YY1: variants seen among roughly 807,000 people sequenced by gnomAD.
YY1 encodes the protein transcriptional repressor protein YY1.
Under a neutral mutation model 35.6 loss-of-function variants are expected in YY1, and 2 were observed. That is an observed-to-expected ratio of 0.06 (90% confidence interval 0.02 to 0.18). The LOEUF is 0.18. YY1 is among the 10% of genes least tolerant of loss of function. The pLI, the probability that YY1 is intolerant of heterozygous loss-of-function variation, is 1.00. For missense variants in YY1, 322 were observed against 573.4 expected, an observed-to-expected ratio of 0.56 and a Z score of 4.48; for synonymous variants, 268 against 238.9, an observed-to-expected ratio of 1.12 and a Z score of -1.12.
intron 1 of YY1, among the ~76,000 whole-genome samples, chr14:100,256,999 T>G (rs1891015115): frequency 6.6e-6 from 1 of 152,206 alleles, no homozygotes; most frequent in African/African-American, 2.4e-5. Flanking sequence ...TTTTTTTGGT[T>G]TCTGATTCTG....
chr14:100,239,849 A>G lies in YY1; in HGVS notation c.605A>G (p.Asn202Ser), dbSNP rs371252181. 2.7e-5 allele frequency: 41 copies of G among 1,511,526 alleles called. No individual in the cohort carries two copies. Among genetic ancestry groups the G allele is most frequent in the East Asian group, 2.3e-4 (9 of 38,762 alleles). 93.6% of individuals were successfully genotyped at this position (1,511,526 alleles called of 1,614,324 possible). A position where few individuals can be genotyped will look rare whatever the true frequency, so the allele number is the denominator to read the frequency against. Residue 202 changes from asparagine (N) to serine (S), a missense_variant, in exon 1 of 5, where the codon AAC (asparagine) becomes AGC (serine). Transcript: ENST00000262238. ...GGCGGCGGCGGCGCCGACCCGGGCA[A>G]CAAGAAGTGGGAGCAGAAGCAGGTG... Reference protein sequence around the residue: ...AAGGGGADPGNKKWEQKQVQI... With the variant: ...AAGGGGADPGSKKWEQKQVQI...
At chr14:100,243,476 C>G (rs893071974) in intron 1 of YY1, among the ~76,000 whole-genome samples, 1 of 152,104 alleles carries the variant, frequency 6.6e-6, no homozygotes, top group African/African-American at 2.4e-5. Flanking sequence ...CTAGTTACTT[C>G]TTAGACCCTC....
chr14:100,248,841 C>A (rs1890877657), intron 1 of YY1, among the ~76,000 whole-genome samples: 1 of 151,776 alleles, frequency 6.6e-6, no homozygotes, highest in South Asian at 2.1e-4. Context: ...GCGCCCACCA[C>A]CATACCTGGC....
rs761861541 is a variant in YY1 at position 100,239,217 on chromosome 14, CGCGGCCGTG to C, written c.-22_-14del. On this transcript the variant is annotated 5_prime_UTR_variant, in exon 1 of 5. Coordinates refer to ENST00000262238, the MANE Select transcript of YY1 (RefSeq NM_003403.5). ...CCCGCAGCCGAGGAGCCGAGGCCGC[CGCGGCCGTG>C]GCGGCGGAGCCCTCAGCCATGGCCT... is the stretch of plus-strand genomic sequence containing the variant. 4.1e-6 allele frequency: 6 copies of C among 1,463,880 alleles called. No homozygotes were observed. The highest frequency in any genetic ancestry group is 4.5e-6 in the Non-Finnish European group (5 of 1,113,098). 90.7% of individuals were successfully genotyped at this position (1,463,880 alleles called of 1,614,324 possible).
chr14:100,247,956 C>T (rs1449631873), intron 1 of YY1, among the ~76,000 whole-genome samples: 1 of 151,910 alleles, frequency 6.6e-6, no homozygotes, highest in Non-Finnish European at 1.5e-5. Context: ...TTCTTTCTTT[C>T]TTTCTTTTTT....
chr14:100,251,448 T>C (rs141656507), intron 1 of YY1, among the ~76,000 whole-genome samples: 188 of 152,366 alleles, frequency 1.2e-3, no homozygotes, highest in Non-Finnish European at 6.6e-4. Flanking sequence ...TCTAGAACTA[T>C]AAGAGAATAA....
chr14:100,261,886 T>C (rs140958653), intron 1 of YY1, among the ~76,000 whole-genome samples: 9 of 152,196 alleles, frequency 5.9e-5, no homozygotes, highest in African/African-American at 2.2e-4. Flanking sequence ...TGGTGGCTCA[T>C]GCCTGTAATA....
At chr14:100,258,674 C>T (rs939110709) in intron 1 of YY1, among the ~76,000 whole-genome samples, 1 of 152,198 alleles carries the variant, frequency 6.6e-6, no homozygotes, top group African/African-American at 2.4e-5. Flanking sequence ...ACATCAGCCA[C>T]TTCCTAGCCA....
At chr14:100,261,650 G>A (rs1450928553) in intron 1 of YY1, among the ~76,000 whole-genome samples, 2 of 152,172 alleles carry the variant, frequency 1.3e-5, no homozygotes, top group Non-Finnish European at 2.9e-5. Context: ...TTAGTCAATG[G>A]AAATTGCATG....
At chr14:100,265,559 C>T (rs1286442722) in intron 2 of YY1, among the ~76,000 whole-genome samples, 2 of 152,002 alleles carry the variant, frequency 1.3e-5, no homozygotes, top group African/African-American at 4.8e-5. Context: ...TCCTAAAAAC[C>T]ACCTCAAGTC....
intron 2 of YY1, among the ~76,000 whole-genome samples, chr14:100,273,257 G>A (rs145893691): frequency 4.0e-5 from 6 of 149,822 alleles, no homozygotes; most frequent in Admixed American, 1.3e-4. Flanking sequence ...GAGCCACTAC[G>A]CCCAGCTATG....
intron 1 of YY1, among the ~76,000 whole-genome samples, chr14:100,255,797 A>T (rs184727917): frequency 3.4e-4 from 52 of 152,322 alleles, no homozygotes; most frequent in African/African-American, 1.2e-3. Context: ...GTCACTGAGT[A>T]CAGTTTTCTT....
chr14:100,252,293 A>C (rs1056071368), intron 1 of YY1, among the ~76,000 whole-genome samples: 1 of 152,132 alleles, frequency 6.6e-6, no homozygotes. Flanking sequence ...TGGAGTGATT[A>C]TTGCTTTGGT....
chr14:100,253,263 C>T (rs565201013), intron 1 of YY1, among the ~76,000 whole-genome samples: 5 of 152,308 alleles, frequency 3.3e-5, no homozygotes, highest in South Asian at 4.1e-4. Context: ...ATTACCCCAT[C>T]GCTAGTCAAT....
chr14:100,239,743 T>C lies in YY1; in HGVS notation c.499T>C (p.Ser167Pro). 1.3e-6 allele frequency: 2 copies of C among 1,579,664 alleles called. No homozygotes were observed. Residue 167 changes from serine (S) to proline (P), a missense_variant, in exon 1 of 5, where the codon TCG (serine) becomes CCG (proline). By Grantham distance (74) the Ser-to-Pro change is moderately conservative (BLOSUM62 -1). Transcript: ENST00000262238. ...GKSGGGGSSSSGGGRVKKGGG... is the reference protein window; with the variant it reads ...GKSGGGGSSSPGGGRVKKGGG... ...GAGCGGCGGCGGCGGCTCGTCGTCG[T>C]CGGGAGGCGGCCGCGTCAAGAAGGG...
chr14:100,244,589 CT>C (rs1290373567), intron 1 of YY1, among the ~76,000 whole-genome samples: 37 of 133,226 alleles, frequency 2.8e-4, no homozygotes, highest in East Asian at 5.2e-4. Flanking sequence ...CCACCCCTTA[CT>C]TTTTTTTTTT....
chr14:100,274,728 T>A lies in YY1; in HGVS notation c.873T>A (p.Asp291Glu). The A allele has an allele frequency of 6.2e-7, 1 of 1,614,076 alleles. No individual in the cohort carries two copies. Among genetic ancestry groups the A allele is most frequent in the Non-Finnish European group, 8.5e-7 (1 of 1,179,958 alleles). The change falls in exon 3 of 5, where the codon GAT becomes GAA. Residue 291 changes from aspartate (D) to glutamate (E), a missense_variant. Asp to Glu is a conservative substitution (Grantham distance 45). This residue lies in a region of YY1 where 26 missense variants were observed against 212.6 expected (regional missense o/e 0.12). Coordinates refer to ENST00000262238, the MANE Select transcript of YY1 (RefSeq NM_003403.5). ...AGCCAAGAAAAATTAAAGAAGATGA[T>A]GCTCCAAGAACAATAGCTTGCCCTC... ...RMKPRKIKED[D>E]APRTIACPHK...
chr14:100,251,403 C>T (rs925617889), intron 1 of YY1, among the ~76,000 whole-genome samples: 2 of 152,246 alleles, frequency 1.3e-5, no homozygotes, highest in Admixed American at 6.5e-5. Flanking sequence ...CACACAACAA[C>T]TTTATAGCTC....
rs527439174 is a variant in YY1 at position 100,272,649 on chromosome 14, T to A, written c.843-2049T>A. Among the ~76,000 whole-genome samples the A allele has an allele frequency of 1.7e-3, 263 of 152,174 alleles. 2 individuals carry two copies. The highest frequency in any genetic ancestry group is 2.3e-3 in the Non-Finnish European group (154 of 67,984). ...TTCACTTAGGTGGGCTTTTTTTTTT[T>A]CGACTTTGACTTTTTAAAAAATTTC... On this transcript the variant is annotated intron_variant, in intron 2 of 4. Coordinates refer to ENST00000262238, the MANE Select transcript of YY1 (RefSeq NM_003403.5).
Sources: gnomAD v4.1 joint callset for allele counts (sites outside exome capture counted in the v4.1 genomes callset) on GRCh38, gnomAD v4.1.1 for gene constraint, gnomAD v4.1.1 regional missense constraint, MANE v1.5 for transcripts, NCBI Gene and HGNC (gene_info 2026-07-23, HGNC 2026-07-21) for gene names.